PGAP2: variants seen among roughly 807,000 people sequenced by gnomAD.
The protein encoded by PGAP2 is acyltransferase PGAP2.
A neutral mutation model predicts 33.2 loss-of-function variants in PGAP2; 21 were observed. That is an observed-to-expected ratio of 0.63 (90% confidence interval 0.45 to 0.91). PGAP2 has a LOEUF of 0.91. Among genes scored for constraint, PGAP2 ranks in the 40% least tolerant of loss-of-function variants. PGAP2 has a pLI of 0.00. For missense variants in PGAP2, 345 were observed against 424.0 expected, an observed-to-expected ratio of 0.81 and a Z score of 1.64; for synonymous variants, 161 against 172.9, an observed-to-expected ratio of 0.93 and a Z score of 0.54.
rs193107231 is a variant in PGAP2 at position 3,818,173 on chromosome 11, G to T, written c.348+638G>T. On this transcript the variant is annotated intron_variant, in intron 3 of 6. Transcript: ENST00000278243. ...AGGTCAGGAGTTTGAGACCAGCCTG[G>T]CCAACATGGTAAAACCCTGTCTCTA... is the stretch of plus-strand genomic sequence containing the variant. Among the ~76,000 whole-genome samples the T allele has an allele frequency of 3.4e-3, 511 of 151,926 alleles. 6 individuals are homozygous for T. Among genetic ancestry groups the T allele is most frequent in the Middle Eastern group, 0.024 (7 of 292 alleles).
upstream of PGAP2, among the ~76,000 whole-genome samples, chr11:3,804,561 C>T (rs2084002814): frequency 1.3e-5 from 2 of 152,194 alleles, no homozygotes; most frequent in Admixed American, 6.5e-5. Flanking sequence ...CAGCCATGCT[C>T]ACTGTGTCCC....
In PGAP2 at chr11:3,814,905, GCCCTTTCCCTTT is replaced by G. The variant is rs369558503; in HGVS notation, c.166-2433_166-2422del. Among the ~76,000 whole-genome samples, 7 of 118,136 alleles carry G rather than the reference GCCCTTTCCCTTT, an allele frequency of 5.9e-5. No individual in the cohort carries two copies. In the East Asian group the frequency reaches 7.2e-4, roughly 12 times the overall value. 77.5% of individuals were successfully genotyped at this position (118,136 alleles called of 152,430 possible). A position where few individuals can be genotyped will look rare whatever the true frequency, so the allele number is the denominator to read the frequency against. ...CTTTCCTTCCCTTTCCCTTTCCCTT[GCCCTTTCCCTTT>G]CCCTTTCCCTTTCCTTTCCTTTCTT... On this transcript the variant is annotated intron_variant, in intron 2 of 6. Coordinates refer to ENST00000278243, the MANE Select transcript of PGAP2 (RefSeq NM_014489.4).
intron 3 of PGAP2, among the ~76,000 whole-genome samples, chr11:3,822,359 G>A (rs1293078389): frequency 3.3e-5 from 5 of 150,564 alleles, no homozygotes; most frequent in African/African-American, 9.7e-5. Flanking sequence ...GTGAGACTCC[G>A]TCTCAAAAAG....
At chr11:3,823,638 G>A in intron 3 of PGAP2, 1 of 1,538,968 alleles carries the variant, frequency 6.5e-7, no homozygotes. Flanking sequence ...CGGGGGAGAT[G>A]GAGAAGGTGC....
chr11:3,823,620 C>T (rs2135022550), intron 3 of PGAP2: 1 of 1,536,648 alleles, frequency 6.5e-7, no homozygotes, highest in East Asian at 2.4e-5. Flanking sequence ...CAGGCAGGTT[C>T]CAGTCTGCGG....
At chr11:3,798,779 G>A (rs1331232952) in intron 1 of PGAP2, among the ~76,000 whole-genome samples, 1 of 151,824 alleles carries the variant, frequency 6.6e-6, no homozygotes, top group East Asian at 1.9e-4. Context: ...GAGTAGCTGG[G>A]ATTACAGGCA....
exon 1 of PGAP2, chr11:3,797,961 G>A (rs2082790226): frequency 1.3e-6 from 2 of 1,547,680 alleles, no homozygotes; most frequent in East Asian, 5.0e-5. Context: ...GCCAATCAGA[G>A]GGACGGCCCC....
intron 1 of PGAP2, among the ~76,000 whole-genome samples, chr11:3,798,840 A>G (rs113588282): frequency 0.14 from 20,537 of 149,914 alleles, 1,549 homozygotes; most frequent in Middle Eastern, 0.23. Flanking sequence ...ATGGGGTTTC[A>G]CCATGTTGGC....
intron 3 of PGAP2, among the ~76,000 whole-genome samples, chr11:3,822,086 C>T (rs576327908): frequency 9.9e-5 from 15 of 151,466 alleles, no homozygotes; most frequent in African/African-American, 3.1e-4. Flanking sequence ...ACAAAACGGC[C>T]GGGCGCAGTG....
intron 4 of PGAP2, 39 bp from the exon 5 acceptor site, chr11:3,824,231 A>C (rs779985095): frequency 4.6e-5 from 74 of 1,612,852 alleles, no homozygotes; most frequent in Non-Finnish European, 2.5e-6. Context: ...TGGTGTGGGC[A>C]CTCCCTGCAA....
At chr11:3,820,451 T>G (rs1378207342) in intron 3 of PGAP2, among the ~76,000 whole-genome samples, 1 of 152,122 alleles carries the variant, frequency 6.6e-6, no homozygotes, top group Non-Finnish European at 1.5e-5. Flanking sequence ...GGTGAATCAC[T>G]TAAGGTCAGG....
chr11:3,798,301 C>T (rs555953017), intron 1 of PGAP2, among the ~76,000 whole-genome samples: 14 of 152,194 alleles, frequency 9.2e-5, no homozygotes, highest in Non-Finnish European at 1.5e-4. Context: ...ACGTCTTTCC[C>T]AGCTGCACGT....
chr11:3,811,436 G>A lies in PGAP2; in HGVS notation c.165+12G>A. 6.2e-7 allele frequency: 1 copy of A among 1,611,154 alleles called. No homozygotes were observed. The highest frequency in any genetic ancestry group is 8.5e-7 in the Non-Finnish European group (1 of 1,178,064). On this transcript the variant is annotated intron_variant, in intron 2 of 6. Coordinates refer to ENST00000278243, the MANE Select transcript of PGAP2 (RefSeq NM_014489.4). The surrounding 1 kb of genome is among the most constrained non-coding windows in gnomAD (Gnocchi z 4.6). Reference sequence around the variant, plus strand: ...CCACACACTGTGGGGTAGGGCATGGGGACACTGATACCTCATATTCAGGCC... The same window carrying A: ...CCACACACTGTGGGGTAGGGCATGGAGACACTGATACCTCATATTCAGGCC...
Position 3,817,396 on chromosome 11 carries a change from A to C in PGAP2, c.209A>C (p.Asp70Ala), listed in dbSNP as rs373781502. Residue 70 changes from aspartate (D) to alanine (A), a missense_variant, in exon 3 of 7, where the codon GAC becomes GCC. Asp to Ala is a moderately radical substitution (Grantham distance 126). Coordinates refer to ENST00000278243, the MANE Select transcript of PGAP2 (RefSeq NM_014489.4). The part of the protein sequence containing the change: ...RMFSAASQPL[D>A]PDGTLFRLRF... The stretch of plus-strand genomic sequence containing the variant: ...TTCTCTGCGGCCTCCCAGCCTTTGG[A>C]CCCCGATGGGACCTTGTTCCGGCTT... 10 of 1,613,688 alleles carry C rather than the reference A, an allele frequency of 6.2e-6. No homozygotes were observed. The African/African-American group carries it at 1.3e-4, about 22-fold the overall frequency.
chr11:3,797,914 T>TC lies in PGAP2; in HGVS notation c.73dup (p.Leu25ProfsTer24), dbSNP rs1368262601. ...ACGCAACATAGAGACTCCGCCCCCT[T>TC]CCTTGGAGCGCCGCGACTCGGGCTG... is the stretch of plus-strand genomic sequence containing the variant. On this transcript the variant is annotated frameshift_variant, in exon 1 of 7. Coordinates refer to the PGAP2 transcript ENST00000300730. LOFTEE classifies it high-confidence loss of function. The TC allele has an allele frequency of 2.6e-6, 4 of 1,547,914 alleles. No individual in the cohort carries two copies. In the African/African-American group the frequency reaches 4.1e-5, roughly 16 times the overall value.
Position 3,821,833 on chromosome 11 carries a change from G to T in PGAP2, c.349-2050G>T, listed in dbSNP as rs959933465. 5.3e-5 allele frequency among the ~76,000 whole-genome samples: 8 copies of T among 152,040 alleles called. No homozygotes were observed. The East Asian group carries it at 1.4e-3, about 26-fold the overall frequency. Reference sequence around the variant, plus strand: ...ATCCCAGCAGTTTGAGAGGCCGAGGGGGGTGGATTGTTTGAGTCCAGGAGT... The same window carrying T: ...ATCCCAGCAGTTTGAGAGGCCGAGGTGGGTGGATTGTTTGAGTCCAGGAGT... On this transcript the variant is annotated intron_variant, in intron 3 of 6. Coordinates refer to ENST00000278243, the MANE Select transcript of PGAP2 (RefSeq NM_014489.4).
Position 3,824,366 on chromosome 11 carries a change from T to A in PGAP2, c.698T>A (p.Val233Glu). ...TGGCGGTTGACCAAGAAGCACACAG[T>A]AAGTCAGGAGGTACGGTCTATCCCT... ...ILWRLTKKHTVSQEDRKSYSW... is the reference protein window; with the variant it reads ...ILWRLTKKHTESQEDRKSYSW... The change falls in exon 5 of 7, where the codon GTA (valine) becomes GAA (glutamate). Residue 233 changes from valine to glutamate, a missense_variant. Physicochemically the swap from Val to Glu is moderately radical, Grantham distance 121. This residue lies in a region of PGAP2 where 311 missense variants were observed against 353.6 expected (regional missense o/e 0.88). Transcript: ENST00000278243. 1 of 1,614,172 alleles carries A rather than the reference T, an allele frequency of 6.2e-7. No individual in the cohort carries two copies. The highest frequency in any genetic ancestry group is 8.5e-7 in the Non-Finnish European group (1 of 1,179,978).
intron 1 of PGAP2, among the ~76,000 whole-genome samples, chr11:3,810,280 T>A (rs924789582): frequency 1.2e-4 from 19 of 152,222 alleles, no homozygotes; most frequent in African/African-American, 4.6e-4. Context: ...CTTTCTCAAG[T>A]TCAGACACAG....
chr11:3,822,790 T>G, intron 3 of PGAP2: 1 of 555,408 alleles, frequency 1.8e-6, no homozygotes, highest in Non-Finnish European at 3.2e-6. Context: ...CCTCTTCCCA[T>G]CTTTGGCTTT....
Sources: gnomAD v4.1 joint callset for allele counts (sites outside exome capture counted in the v4.1 genomes callset) on GRCh38, gnomAD v4.1.1 for gene constraint, gnomAD v4.1.1 regional missense constraint, Gnocchi (gnomAD v3.1) non-coding constraint, MANE v1.5 for transcripts, NCBI Gene and HGNC (gene_info 2026-07-23, HGNC 2026-07-21) for gene names.